ANK3: variants seen among roughly 807,000 people sequenced by gnomAD.
The protein encoded by ANK3 is ankyrin-3.
Under a neutral mutation model 370.9 loss-of-function variants are expected in ANK3, and 57 were observed. The observed-to-expected ratio is 0.15, with a 90% CI of 0.12 to 0.19. The LOEUF (loss-of-function observed/expected upper bound fraction) is 0.19. Among genes scored for constraint, ANK3 ranks in the 10% least tolerant of loss-of-function variants. The pLI is 1.00. For missense variants in ANK3, 4,439 were observed against 5,302.1 expected (o/e 0.84, Z 5.06); for synonymous variants, 1,929 against 1,946.3 (o/e 0.99, Z 0.23).
chr10:60,140,910 G>T, intron 23 of ANK3: 1 of 985,790 alleles, frequency 1.0e-6, no homozygotes, highest in Non-Finnish European at 1.2e-6. Flanking sequence ...TATGAATGAA[G>T]AAACAGCCAA....
chr10:60,198,303 G>C (rs376752710), intron 14 of ANK3, 37 bp downstream of exon 14: 51 of 1,603,686 alleles, frequency 3.2e-5, no homozygotes, highest in African/African-American at 1.6e-4. Flanking sequence ...GATGTATTTG[G>C]GGGGACAGAG....
At chr10:60,545,712 T>C (rs1373330511) in intron 2 of ANK3, among the ~76,000 whole-genome samples, 1 of 152,184 alleles carries the variant, frequency 6.6e-6, no homozygotes, top group Non-Finnish European at 1.5e-5. Flanking sequence ...AAGATCAGGA[T>C]AGACATACAG....
chr10:60,597,825 T>A (rs1341962501), intron 2 of ANK3, among the ~76,000 whole-genome samples: 6 of 152,152 alleles, frequency 3.9e-5, no homozygotes, highest in Non-Finnish European at 8.8e-5. Context: ...TTCTTAAGAA[T>A]AACAAGATAA....
intron 1 of ANK3, among the ~76,000 whole-genome samples, chr10:60,689,580 C>T (rs191724041): frequency 8.6e-5 from 13 of 151,772 alleles, no homozygotes; most frequent in Admixed American, 3.9e-4. Context: ...GGCAAAACCC[C>T]GACTCTACTA....
At position 60,059,430 on chromosome 10, in the gene ANK3, C is replaced by T. The variant is rs760508821; in HGVS notation, c.12596G>A (p.Gly4199Asp). Residue 4199 changes from glycine (G) to aspartate (D), a missense_variant and splice_region_variant, in exon 41 of 44, where the codon GGT becomes GAT. This residue lies in a region of ANK3 where 242 missense variants were observed against 228.0 expected (regional missense o/e 1.06). Coordinates refer to ENST00000280772, the MANE Select transcript of ANK3 (RefSeq NM_020987.5). ...TCCACTTGATGTCTCATTCTGCCAA[C>T]CTGTAATTGAAGACATTTCCAGTTC... ...ENNVFHDPVDGWQNETSSGNL... is the reference protein window; with the variant it reads ...ENNVFHDPVDDWQNETSSGNL... 1 of 1,613,500 alleles carries T rather than the reference C, an allele frequency of 6.2e-7. No individual in the cohort carries two copies. Among genetic ancestry groups the T allele is most frequent in the East Asian group, 2.2e-5 (1 of 44,848 alleles).
chr10:60,372,294 G>A lies in ANK3; in HGVS notation c.114+17131C>T, dbSNP rs1368375710. ...TTTTACCAATTGTGGCAACAACTGT[G>A]GATGTACTACATCAATATATTATGA... On this transcript the variant is annotated intron_variant, in intron 1 of 43. Coordinates refer to ENST00000280772, the MANE Select transcript of ANK3 (RefSeq NM_020987.5). Among the ~76,000 whole-genome samples, 4 of 152,090 alleles carry A rather than the reference G, an allele frequency of 2.6e-5. No individual in the cohort carries two copies. The South Asian group carries it at 8.3e-4, about 31-fold the overall frequency.
intron 1 of ANK3, among the ~76,000 whole-genome samples, chr10:60,289,264 CTTTTT>C (rs34525147): frequency 7.4e-6 from 1 of 134,566 alleles, no homozygotes; most frequent in Non-Finnish European, 1.6e-5. Flanking sequence ...TATGCCCTGC[CTTTTT>C]TTTTTTTTTT....
At chr10:60,441,060 G>A (rs905054299) in intron 2 of ANK3, among the ~76,000 whole-genome samples, 1 of 152,158 alleles carries the variant, frequency 6.6e-6, no homozygotes, top group Non-Finnish European at 1.5e-5. Flanking sequence ...GGGCAAGAGA[G>A]AGAAGGGAAA....
chr10:60,442,933 G>A (rs941993341), intron 2 of ANK3, among the ~76,000 whole-genome samples: 2 of 152,102 alleles, frequency 1.3e-5, no homozygotes, highest in Non-Finnish European at 2.9e-5. Flanking sequence ...CAAACCCAAG[G>A]ATCAATGTGA....
intron 1 of ANK3, among the ~76,000 whole-genome samples, chr10:60,648,024 T>A (rs1409849854): frequency 6.6e-6 from 1 of 151,278 alleles, no homozygotes; most frequent in African/African-American, 2.4e-5. Flanking sequence ...ATTTTTGTAT[T>A]TTTAGTAGAG....
At chr10:60,575,354 C>T (rs2077670599) in intron 2 of ANK3, among the ~76,000 whole-genome samples, 2 of 151,322 alleles carry the variant, frequency 1.3e-5, no homozygotes, top group African/African-American at 4.9e-5. Context: ...AAAAAAAGGA[C>T]GTTTGAAGAC....
intron 42 of ANK3, among the ~76,000 whole-genome samples, chr10:60,048,316 A>T (rs934026129): frequency 6.6e-6 from 1 of 151,968 alleles, no homozygotes; most frequent in African/African-American, 2.4e-5. Flanking sequence ...AATTCCCAGC[A>T]TTCCAGCCCC....
intron 2 of ANK3, among the ~76,000 whole-genome samples, chr10:60,419,426 G>A (rs974967971): frequency 1.3e-5 from 2 of 152,040 alleles, no homozygotes; most frequent in Non-Finnish European, 2.9e-5. Context: ...TAGCATACCT[G>A]GCCCTATCCT....
chr10:60,511,396 T>C (rs1054320762), intron 2 of ANK3, among the ~76,000 whole-genome samples: 2 of 152,144 alleles, frequency 1.3e-5, no homozygotes, highest in Non-Finnish European at 2.9e-5. Flanking sequence ...CAAATAATTG[T>C]AGAATTGTGA....
At chr10:60,279,896 G>A (rs1380451) in intron 1 of ANK3, among the ~76,000 whole-genome samples, 1 of 151,854 alleles carries the variant, frequency 6.6e-6, no homozygotes, top group Non-Finnish European at 1.5e-5. Context: ...TAAAGTATAG[G>A]CACCTTAAAT....
intron 1 of ANK3, among the ~76,000 whole-genome samples, chr10:60,691,074 T>C (rs979943519): frequency 1.3e-5 from 2 of 152,218 alleles, no homozygotes; most frequent in African/African-American, 4.8e-5. Flanking sequence ...TAATTCTTTT[T>C]AGTGCTATAG....
chr10:60,526,909 T>A (rs1172669423), intron 2 of ANK3, among the ~76,000 whole-genome samples: 1 of 152,078 alleles, frequency 6.6e-6, no homozygotes, highest in Non-Finnish European at 1.5e-5. Context: ...CACTAAAAAT[T>A]TTGGTGTGTC....
chr10:60,289,588 T>C (rs1486570482), intron 1 of ANK3, among the ~76,000 whole-genome samples: 1 of 151,500 alleles, frequency 6.6e-6, no homozygotes, highest in East Asian at 1.9e-4. Flanking sequence ...TTTGTAGACA[T>C]GGGTTTCAGC....
In ANK3 at chr10:60,261,878, G is replaced by A; in HGVS notation, c.779C>T (p.Ala260Val). 6.2e-7 allele frequency: 1 copy of A among 1,614,078 alleles called. No individual in the cohort carries two copies. Among genetic ancestry groups the A allele is most frequent in the Non-Finnish European group, 8.5e-7 (1 of 1,179,980 alleles). The change falls in exon 7 of 44, where the codon GCT becomes GTT. Residue 260 changes from alanine to valine, a missense_variant. By Grantham distance (64) the Ala-to-Val change is moderately conservative. This residue lies in a region of ANK3 where 227 missense variants were observed against 377.6 expected (regional missense o/e 0.60). Coordinates refer to ENST00000280772, the MANE Select transcript of ANK3 (RefSeq NM_020987.5). ...TCTTACCCTTGCGGTGAAATCCACAGCAGCCGCTCGGTTTAACAGCAACGT... is the reference window on the plus strand; with the variant it reads ...TCTTACCCTTGCGGTGAAATCCACAACAGCCGCTCGGTTTAACAGCAACGT... ...VATLLLNRAA[A>V]VDFTARNDIT...
Sources: allele counts gnomAD v4.1 joint callset (sites outside exome capture counted in the v4.1 genomes callset), GRCh38; gene constraint gnomAD v4.1.1; regional missense constraint gnomAD v4.1.1; transcripts MANE v1.5; gene names NCBI Gene and HGNC (gene_info 2026-07-23, HGNC 2026-07-21).